The following CARMIL1 variants were observed in gnomAD, a reference collection of about 807,000 sequenced individuals.
CARMIL1 encodes F-actin-uncapping protein LRRC16A.
A neutral mutation model predicts 177.1 loss-of-function variants in CARMIL1; 90 were observed. That is an observed-to-expected ratio of 0.51 (90% CI 0.43 to 0.61). The LOEUF (loss-of-function observed/expected upper bound fraction) is 0.61. Ranked by LOEUF, CARMIL1 falls within the 20% of genes least tolerant of loss-of-function variation. The pLI is 0.00. For missense variants in CARMIL1, 1,380 were observed against 1,667.0 expected (o/e 0.83, Z 3.00); for synonymous variants, 577 against 606.2 (o/e 0.95, Z 0.71).
chr6:25,596,422 T>G (rs35676593), intron 32 of CARMIL1, among the ~76,000 whole-genome samples: 20,659 of 152,174 alleles, frequency 0.14, 1,817 homozygotes, highest in South Asian at 0.19. Context: ...TCATAAAGTG[T>G]CAGATGTTCT....
intron 31 of CARMIL1, among the ~76,000 whole-genome samples, chr6:25,586,013 T>C (rs1240453651): frequency 6.6e-6 from 1 of 152,212 alleles, no homozygotes; most frequent in Admixed American, 6.5e-5. Flanking sequence ...CTTTTCTATT[T>C]GACAAAACCG....
intron 29 of CARMIL1, among the ~76,000 whole-genome samples, chr6:25,578,514 A>G (rs1480061804): frequency 1.3e-5 from 2 of 152,236 alleles, no homozygotes; most frequent in East Asian, 1.9e-4. Flanking sequence ...GAATAAGCCA[A>G]TAAGATTAAG....
chr6:25,389,636 C>T (rs1792547002), intron 2 of CARMIL1, among the ~76,000 whole-genome samples: 1 of 152,156 alleles, frequency 6.6e-6, no homozygotes, highest in Admixed American at 6.5e-5. Flanking sequence ...GCCAGGAATA[C>T]TTGAGTCAGC....
chr6:25,488,631 A>G (rs763714666), intron 13 of CARMIL1, 46 bp downstream of exon 13: 1 of 1,425,120 alleles, frequency 7.0e-7, no homozygotes, highest in Non-Finnish European at 9.9e-7. Flanking sequence ...GCTGTGTTTA[A>G]TAAGCCTGGA....
chr6:25,389,944 A>G (rs1581772625), intron 2 of CARMIL1, among the ~76,000 whole-genome samples: 2 of 152,234 alleles, frequency 1.3e-5, no homozygotes, highest in South Asian at 4.1e-4. Context: ...TACATTATGA[A>G]CTAATCATCT....
chr6:25,442,739 A>G (rs1273316236), intron 5 of CARMIL1, among the ~76,000 whole-genome samples: 1 of 152,194 alleles, frequency 6.6e-6, no homozygotes, highest in East Asian at 1.9e-4. Flanking sequence ...TGAAAAAGAA[A>G]AATGAGAACT....
intron 29 of CARMIL1, among the ~76,000 whole-genome samples, chr6:25,562,409 G>A (rs1811204794): frequency 6.6e-6 from 1 of 152,040 alleles, no homozygotes; most frequent in Admixed American, 6.6e-5. Flanking sequence ...CACCGCGCCT[G>A]GCTAATTTTT....
intron 2 of CARMIL1, among the ~76,000 whole-genome samples, chr6:25,364,164 T>G (rs770122884): frequency 5.9e-5 from 9 of 152,168 alleles, no homozygotes; most frequent in Non-Finnish European, 7.3e-5. Context: ...CGGCTGGTCT[T>G]GAACTCCTGG....
At chr6:25,281,200 C>T (rs907929431) in intron 1 of CARMIL1, among the ~76,000 whole-genome samples, 1 of 151,478 alleles carries the variant, frequency 6.6e-6, no homozygotes, top group East Asian at 2.0e-4. Flanking sequence ...AGCAGATCCT[C>T]TTCTCTCTCC....
intron 5 of CARMIL1, among the ~76,000 whole-genome samples, chr6:25,446,779 T>A (rs1798277648): frequency 6.6e-6 from 1 of 152,220 alleles, no homozygotes. Flanking sequence ...TGATTTAAAA[T>A]GAGAGATGTG....
intron 5 of CARMIL1, among the ~76,000 whole-genome samples, chr6:25,446,193 C>T (rs185920180): frequency 6.6e-6 from 1 of 152,322 alleles, no homozygotes; most frequent in African/African-American, 2.4e-5. Flanking sequence ...TAGCCACTAA[C>T]AAGAGAGGCA....
chr6:25,499,043 G>A (rs1366427865), intron 16 of CARMIL1, among the ~76,000 whole-genome samples: 2 of 152,126 alleles, frequency 1.3e-5, no homozygotes, highest in East Asian at 1.9e-4. Flanking sequence ...GGAGGCAGCC[G>A]AGCCCCTATG....
intron 1 of CARMIL1, 97 bp from the exon 2 acceptor site, chr6:25,284,715 C>T: frequency 1.4e-6 from 1 of 698,606 alleles, no homozygotes; most frequent in Non-Finnish European, 2.5e-6. Context: ...TCTCAAAAGA[C>T]AACAACAGTA....
chr6:25,332,777 A>G (rs151030111), intron 2 of CARMIL1, among the ~76,000 whole-genome samples: 5,212 of 132,024 alleles, frequency 0.039, 170 homozygotes, highest in East Asian at 0.23. Flanking sequence ...ACACACGCGC[A>G]CACACACACA....
intron 8 of CARMIL1, among the ~76,000 whole-genome samples, chr6:25,455,936 T>G (rs920102197): frequency 6.6e-6 from 1 of 152,216 alleles, no homozygotes; most frequent in African/African-American, 2.4e-5. Context: ...GACATGGTTT[T>G]AGAAGGTCCA....
At chr6:25,387,845 T>C (rs1456377868) in intron 2 of CARMIL1, among the ~76,000 whole-genome samples, 1 of 152,186 alleles carries the variant, frequency 6.6e-6, no homozygotes, top group Non-Finnish European at 1.5e-5. Flanking sequence ...AAATAGAGAA[T>C]AATCACCAGA....
intron 2 of CARMIL1, among the ~76,000 whole-genome samples, chr6:25,416,864 TTGTC>T (rs2150673249): frequency 6.6e-6 from 1 of 152,306 alleles, no homozygotes; most frequent in African/African-American, 2.4e-5. Flanking sequence ...GTTTTAGGAT[TTGTC>T]TGTTATTTTA....
chr6:25,478,409 T>C (rs142985495), intron 11 of CARMIL1, among the ~76,000 whole-genome samples: 4 of 152,316 alleles, frequency 2.6e-5, no homozygotes, highest in Non-Finnish European at 4.4e-5. Context: ...ATATTAAAAA[T>C]ACAATGATAG....
intron 17 of CARMIL1, 23 bp downstream of exon 17, chr6:25,500,258 T>C (rs1489347737): frequency 6.2e-7 from 1 of 1,602,062 alleles, no homozygotes; most frequent in South Asian, 1.1e-5. Context: ...TTAGATTGTA[T>C]ACTGGAATAG....
Sources: allele counts gnomAD v4.1 joint callset (sites outside exome capture counted in the v4.1 genomes callset), GRCh38; gene constraint gnomAD v4.1.1; transcripts MANE v1.5; gene names NCBI Gene and HGNC (gene_info 2026-07-23, HGNC 2026-07-21).